The following CTNNA3 variants were observed in gnomAD, a reference collection of about 807,000 sequenced individuals.
The protein encoded by CTNNA3 is catenin alpha 3.
CTNNA3 carries 76 observed loss-of-function variants against 95.7 expected under a neutral mutation model. That is an observed-to-expected ratio of 0.79 (90% CI 0.66 to 0.96). The LOEUF (loss-of-function observed/expected upper bound fraction) is 0.96, where lower values mean the gene tolerates loss of function less well. Ranked by LOEUF, CTNNA3 falls within the 40% of genes least tolerant of loss-of-function variation. The pLI, the probability that CTNNA3 is intolerant of heterozygous loss-of-function variation, is 0.00. For missense variants in CTNNA3, 1,191 were observed against 1,089.8 expected (o/e 1.09, Z -1.31); for synonymous variants, 431 against 374.4 (o/e 1.15, Z -1.74).
chr10:66,600,770 A>G (rs1843892384), intron 10 of CTNNA3, among the ~76,000 whole-genome samples: 1 of 151,934 alleles, frequency 6.6e-6, no homozygotes, highest in East Asian at 1.9e-4. Flanking sequence ...GCCTTCAATT[A>G]TGAAATAGCA....
chr10:66,495,054 C>T (rs1299358090), intron 11 of CTNNA3, among the ~76,000 whole-genome samples: 5 of 152,136 alleles, frequency 3.3e-5, no homozygotes, highest in African/African-American at 7.2e-5. Flanking sequence ...CATGTTGTAT[C>T]GCCAACCCAC....
intron 7 of CTNNA3, among the ~76,000 whole-genome samples, chr10:66,941,383 A>G (rs1201200694): frequency 6.6e-6 from 1 of 152,248 alleles, no homozygotes; most frequent in East Asian, 1.9e-4. Flanking sequence ...AAGGATAGAA[A>G]TAATTTGCAA....
chr10:66,272,073 G>T (rs2091294385), intron 13 of CTNNA3, among the ~76,000 whole-genome samples: 2 of 152,156 alleles, frequency 1.3e-5, no homozygotes, highest in Non-Finnish European at 2.9e-5. Context: ...AGAAGAAGCA[G>T]CAAGAGTACT....
At chr10:67,005,320 T>C (rs1851903626) in intron 7 of CTNNA3, among the ~76,000 whole-genome samples, 1 of 152,162 alleles carries the variant, frequency 6.6e-6, no homozygotes, top group Non-Finnish European at 1.5e-5. Flanking sequence ...AGAGGCATAA[T>C]TGAAGGGAGA....
intron 11 of CTNNA3, among the ~76,000 whole-genome samples, chr10:66,421,897 G>GATGTGTATATATATAT: frequency 3.4e-4 from 37 of 108,118 alleles, no homozygotes; most frequent in South Asian, 6.7e-4. Flanking sequence ...TAATAAATGT[G>GATGTGTATATATATAT]ATATATATAT....
chr10:67,425,518 T>C (rs1053745275), intron 5 of CTNNA3, among the ~76,000 whole-genome samples: 2 of 152,144 alleles, frequency 1.3e-5, no homozygotes, highest in Admixed American at 1.3e-4. Flanking sequence ...TCTTCATCTG[T>C]TTTTTGAAGA....
rs778139175 is a variant in CTNNA3, at chr10:66,811,647, C to CA, written c.1048-36124dup. 2.0e-5 allele frequency among the ~76,000 whole-genome samples: 3 copies of CA among 152,220 alleles called. No homozygotes were observed. In the East Asian group the frequency reaches 5.8e-4, roughly 29 times the overall value. On this transcript the variant is annotated intron_variant, in intron 7 of 17. Coordinates refer to ENST00000433211, the MANE Select transcript of CTNNA3 (RefSeq NM_013266.4). ...ACTAGTCCTAGGTCATTGGAATAAC[C>CA]AAAAAAGCCCTCACTCATTTACAAA...
intron 11 of CTNNA3, among the ~76,000 whole-genome samples, chr10:66,484,424 A>C (rs1839653982): frequency 6.6e-6 from 1 of 152,006 alleles, no homozygotes; most frequent in Non-Finnish European, 1.5e-5. Context: ...ATATATTTGA[A>C]ACTTGTATAT....
intron 1 of CTNNA3, among the ~76,000 whole-genome samples, chr10:67,741,155 G>A (rs1841335361): frequency 6.6e-6 from 1 of 150,796 alleles, no homozygotes. Context: ...TCTGGGGACT[G>A]TTGTGGCATG....
intron 7 of CTNNA3, among the ~76,000 whole-genome samples, chr10:66,847,440 A>G (rs1023422612): frequency 3.3e-5 from 5 of 152,162 alleles, no homozygotes; most frequent in Non-Finnish European, 7.3e-5. Context: ...ACCATCTACT[A>G]TCTTGAGGTA....
At chr10:67,282,358 T>C (rs1274367789) in intron 5 of CTNNA3, among the ~76,000 whole-genome samples, 1 of 152,134 alleles carries the variant, frequency 6.6e-6, no homozygotes, top group Non-Finnish European at 1.5e-5. Flanking sequence ...TGTTTTCCTG[T>C]AGGTATACTC....
intron 5 of CTNNA3, among the ~76,000 whole-genome samples, chr10:67,437,368 A>G (rs913429950): frequency 6.6e-6 from 1 of 152,134 alleles, no homozygotes; most frequent in African/African-American, 2.4e-5. Context: ...AATATGGTGC[A>G]GTGTATACTG....
At chr10:66,142,871 G>A (rs990586611) in intron 13 of CTNNA3, among the ~76,000 whole-genome samples, 1 of 152,046 alleles carries the variant, frequency 6.6e-6, no homozygotes, top group Non-Finnish European at 1.5e-5. Context: ...CATATGGAAA[G>A]AAAAAGTCAG....
chr10:66,969,734 ATTTT>A (rs1305591514), intron 7 of CTNNA3, among the ~76,000 whole-genome samples: 1 of 152,046 alleles, frequency 6.6e-6, no homozygotes, highest in African/African-American at 2.4e-5. Context: ...GTGAGATTGA[ATTTT>A]TTGTTTGTTT....
chr10:66,067,924 A>T (rs1334255597), intron 15 of CTNNA3, among the ~76,000 whole-genome samples: 1 of 152,182 alleles, frequency 6.6e-6, no homozygotes, highest in Admixed American at 6.6e-5. Context: ...TCAAAAAAAA[A>T]TAAAAAGTTT....
At chr10:66,815,613 G>T (rs1299488182) in intron 7 of CTNNA3, among the ~76,000 whole-genome samples, 1 of 152,000 alleles carries the variant, frequency 6.6e-6, no homozygotes, top group Non-Finnish European at 1.5e-5. Context: ...CTTCCCCTAG[G>T]TATACCATCT....
At chr10:66,431,672 T>C (rs1205318216) in intron 11 of CTNNA3, among the ~76,000 whole-genome samples, 1 of 146,600 alleles carries the variant, frequency 6.8e-6, no homozygotes, top group East Asian at 2.0e-4. Context: ...CCGCATTTTC[T>C]CACTCACAGG....
At position 66,312,708 on chromosome 10, in the gene CTNNA3, G is replaced by A. The variant is rs189728782; in HGVS notation, c.1733-32087C>T. Among the ~76,000 whole-genome samples, 385 of 152,004 alleles carry A rather than the reference G, an allele frequency of 2.5e-3. 1 individual carries two copies. The highest frequency in any genetic ancestry group is 0.01 in the Middle Eastern group (3 of 294). On this transcript the variant is annotated intron_variant, in intron 12 of 17. Transcript: ENST00000433211. Reference sequence around the variant, plus strand: ...ACTACAGGCATGCATCATCAGGCCCGGATAATTTTCTGTATTTTAGTAAAG... The same window carrying A: ...ACTACAGGCATGCATCATCAGGCCCAGATAATTTTCTGTATTTTAGTAAAG...
chr10:66,935,715 C>A lies in CTNNA3; in HGVS notation c.1048-160191G>T, dbSNP rs1242673986. 2.7e-5 allele frequency among the ~76,000 whole-genome samples: 4 copies of A among 150,898 alleles called. No individual in the cohort carries two copies. The South Asian group carries it at 8.3e-4, about 31-fold the overall frequency. Reference sequence around the variant, plus strand: ...GGTATAATTGAGTCCTTATTATGTACCAGGAATTTGTATATATTATCTAAT... The same window carrying A: ...GGTATAATTGAGTCCTTATTATGTAACAGGAATTTGTATATATTATCTAAT... On this transcript the variant is annotated intron_variant, in intron 7 of 17. Transcript: ENST00000433211.
Sources: allele counts gnomAD v4.1 joint callset (sites outside exome capture counted in the v4.1 genomes callset), GRCh38; gene constraint gnomAD v4.1.1; transcripts MANE v1.5; gene names NCBI Gene and HGNC (gene_info 2026-07-23, HGNC 2026-07-21).